The following C12orf42 variants were observed in gnomAD, a reference collection of about 807,000 sequenced individuals.
C12orf42 encodes chromosome 12 open reading frame 42.
A neutral mutation model predicts 21.6 loss-of-function variants in C12orf42; 25 were observed. The ratio of observed to expected loss-of-function variants is 1.16; its 90% CI spans 0.84 to 1.62. The LOEUF (loss-of-function observed/expected upper bound fraction) is 1.62. Among genes scored for constraint, C12orf42 ranks in the 40% most tolerant of loss-of-function variants. The pLI, the probability that C12orf42 is intolerant of heterozygous loss-of-function variation, is 0.00. For missense variants in C12orf42, 483 were observed against 459.3 expected (o/e 1.05, Z -0.47); for synonymous variants, 174 against 175.0 (o/e 0.99, Z 0.05).
At chr12:103,475,238 G>C (rs1362457882) in intron 2 of C12orf42, among the ~76,000 whole-genome samples, 2 of 152,188 alleles carry the variant, frequency 1.3e-5, no homozygotes, top group Non-Finnish European at 2.9e-5. Context: ...ACAAAGTCCA[G>C]AGCAGTCAAT....
chr12:103,334,706 G>A (rs2041537059), intron 4 of C12orf42, among the ~76,000 whole-genome samples: 1 of 152,088 alleles, frequency 6.6e-6, no homozygotes, highest in South Asian at 2.1e-4. Context: ...CATATGTCAA[G>A]AGAGTCAGAG....
intron 4 of C12orf42, among the ~76,000 whole-genome samples, chr12:103,332,603 G>T (rs2041339111): frequency 2.6e-5 from 4 of 152,196 alleles, no homozygotes; most frequent in Non-Finnish European, 5.9e-5. Context: ...ATCAATAGGA[G>T]CTTCTTAAAG....
intron 10 of C12orf42, among the ~76,000 whole-genome samples, chr12:103,250,027 A>G (rs1355216627): frequency 1.3e-5 from 2 of 151,966 alleles, no homozygotes; most frequent in Non-Finnish European, 2.9e-5. Context: ...GATGCAAATA[A>G]TATTTTTCCA....
At chr12:103,055,295 G>A in the C12orf42 span, among the ~76,000 whole-genome samples, 1 of 151,930 alleles carries the variant, frequency 6.6e-6, no homozygotes, top group East Asian at 1.9e-4. Context: ...TGAGTAGTTT[G>A]TGATTTTTGA....
the C12orf42 span, among the ~76,000 whole-genome samples, chr12:103,117,897 ATTC>A: frequency 2.0e-5 from 3 of 152,240 alleles, no homozygotes; most frequent in African/African-American, 7.2e-5. Flanking sequence ...ACTTAGGTTC[ATTC>A]TTCTCATCTA....
chr12:103,059,375 C>G, the C12orf42 span, among the ~76,000 whole-genome samples: 1 of 152,266 alleles, frequency 6.6e-6, no homozygotes, highest in South Asian at 2.1e-4. Context: ...CAGATGGATT[C>G]ACAGCTGATT....
chr12:103,356,841 TC>T (rs1320543733), intron 4 of C12orf42, among the ~76,000 whole-genome samples: 1 of 152,090 alleles, frequency 6.6e-6, no homozygotes, highest in Non-Finnish European at 1.5e-5. Context: ...AAGTGTCTGT[TC>T]ATGTCCTTCG....
chr12:103,153,120 T>C, the C12orf42 span, among the ~76,000 whole-genome samples: 1 of 152,248 alleles, frequency 6.6e-6, no homozygotes, highest in Admixed American at 6.5e-5. Flanking sequence ...TAAATAGCAT[T>C]ACAGAAAAAC....
intron 4 of C12orf42, among the ~76,000 whole-genome samples, chr12:103,292,285 C>G (rs570628577): frequency 1.1e-4 from 17 of 152,150 alleles, no homozygotes; most frequent in African/African-American, 4.1e-4. Context: ...AGCAGGGTAT[C>G]AGCTAAAGGG....
At chr12:103,070,599 A>G in the C12orf42 span, among the ~76,000 whole-genome samples, 1 of 151,980 alleles carries the variant, frequency 6.6e-6, no homozygotes, top group African/African-American at 2.4e-5. Flanking sequence ...ATATACTATC[A>G]AGGTTTGCAT....
chr12:103,096,165 C>T, the C12orf42 span, among the ~76,000 whole-genome samples: 2 of 151,988 alleles, frequency 1.3e-5, no homozygotes, highest in Admixed American at 6.6e-5. Context: ...CCATTGCTGC[C>T]GTAAAAAGCA....
intron 4 of C12orf42, among the ~76,000 whole-genome samples, chr12:103,350,751 C>T (rs1050401017): frequency 1.3e-5 from 2 of 152,094 alleles, no homozygotes; most frequent in Non-Finnish European, 1.5e-5. Context: ...TGTTATTGTC[C>T]CACACATCCT....
chr12:103,159,689 T>C, the C12orf42 span: 2 of 152,274 alleles, frequency 1.3e-5, no homozygotes, highest in African/African-American at 2.4e-5. Context: ...TAATTTCCCC[T>C]TCAATACTCA....
the C12orf42 span, among the ~76,000 whole-genome samples, chr12:103,147,727 C>T: frequency 6.8e-6 from 1 of 147,994 alleles, no homozygotes; most frequent in Non-Finnish European, 1.5e-5. Context: ...AATGTTGGTA[C>T]AGTATATGTC....
At chr12:103,263,355 C>A (rs995039420) in exon 10 of C12orf42, 20 of 151,876 alleles carry the variant, frequency 1.3e-4, no homozygotes, top group Admixed American at 4.6e-4. Flanking sequence ...CAGCAAATGG[C>A]CAAGCTAAAC....
At chr12:103,172,564 A>G in the C12orf42 span, among the ~76,000 whole-genome samples, 1 of 152,084 alleles carries the variant, frequency 6.6e-6, no homozygotes, top group Non-Finnish European at 1.5e-5. Context: ...GAAGCAAAAG[A>G]CTTGCCTAAA....
Position 103,478,414 on chromosome 12 carries a change from T to A in C12orf42, c.13A>T (p.Ile5Leu). MSTV[I>L]CMKQREEEFL... The stretch of plus-strand genomic sequence containing the variant: ...TCTTCTTCCCTTTGTTTCATACATA[T>A]CACTGTAGACATTAATTTGACAAGT... Residue 5 changes from isoleucine (I) to leucine (L), a missense_variant, in exon 2 of 6, where the codon ATA becomes TTA. Coordinates refer to ENST00000548883, the MANE Select transcript of C12orf42 (RefSeq NM_198521.5). 1 of 1,590,524 alleles carries A rather than the reference T, an allele frequency of 6.3e-7. No homozygotes were observed.
chr12:103,290,440 T>C (rs1223073266), intron 4 of C12orf42, among the ~76,000 whole-genome samples: 2 of 152,178 alleles, frequency 1.3e-5, no homozygotes, highest in African/African-American at 4.8e-5. Flanking sequence ...CAAAAGAGGT[T>C]AAAATGGGTC....
At chr12:103,309,946 C>T (rs1778964849) in intron 4 of C12orf42, among the ~76,000 whole-genome samples, 1 of 152,206 alleles carries the variant, frequency 6.6e-6, no homozygotes, top group African/African-American at 2.4e-5. Flanking sequence ...TAGGGATACC[C>T]TGGGGTGATA....
Sources: gnomAD v4.1 joint callset for allele counts (sites outside exome capture counted in the v4.1 genomes callset) on GRCh38, gnomAD v4.1.1 for gene constraint, MANE v1.5 for transcripts, NCBI Gene and HGNC (gene_info 2026-07-23, HGNC 2026-07-21) for gene names.